Variants in DUS2 observed in about 807,000 individuals in gnomAD.
DUS2 encodes the protein dihydrouridine synthase 2, also known as tRNA-dihydrouridine(20) synthase [NAD(P)+]-like.
DUS2 carries 52 observed loss-of-function variants against 71.3 expected under a neutral mutation model. The observed-to-expected ratio is 0.73, with a 90% confidence interval of 0.58 to 0.92. The LOEUF (loss-of-function observed/expected upper bound fraction) is 0.92. DUS2 is among the 40% of genes least tolerant of loss of function. The pLI is 0.00. For synonymous variants in DUS2, 204 were observed against 227.8 expected, an observed-to-expected ratio of 0.90 and a Z score of 0.94; for missense variants, 558 against 622.6, an observed-to-expected ratio of 0.90 and a Z score of 1.10.
chr16:68,031,081 GC>G (rs1270774682), intron 2 of DUS2, among the ~76,000 whole-genome samples: 1 of 152,020 alleles, frequency 6.6e-6, no homozygotes, highest in Non-Finnish European at 1.5e-5. Context: ...CAGATAAAAT[GC>G]TCTGGAAAGA....
Position 68,070,231 on chromosome 16 carries a change from T to A in DUS2, c.641+11T>A. The A allele has an allele frequency of 6.2e-7, 1 of 1,612,422 alleles. No individual in the cohort carries two copies. The highest frequency in any genetic ancestry group is 8.5e-7 in the Non-Finnish European group (1 of 1,178,452). ...TCCTGTCATAGCCAAGTAAGCCTCC[T>A]GTCTTCATCATGTACTCTGTGTCCC... On this transcript the variant is annotated intron_variant, in intron 11 of 16. Transcript: ENST00000565263.
chr16:68,050,328 G>T (rs2080936852), intron 4 of DUS2, among the ~76,000 whole-genome samples: 1 of 152,064 alleles, frequency 6.6e-6, no homozygotes, highest in Admixed American at 6.6e-5. Context: ...AGTAGAGAAG[G>T]GGTTTCACCA....
At position 68,079,070 on chromosome 16, in the gene DUS2, A is replaced by AGGAGTGGAGTGATGGT; in HGVS notation, c.*84_*85insGGAGTGGAGTGATGGT. 1.6e-6 allele frequency: 2 copies of AGGAGTGGAGTGATGGT among 1,268,042 alleles called. No individual in the cohort carries two copies. Among genetic ancestry groups the AGGAGTGGAGTGATGGT allele is most frequent in the Non-Finnish European group, 1.1e-6 (1 of 924,194 alleles). 78.5% of individuals were successfully genotyped at this position (1,268,042 alleles called of 1,614,324 possible). ...CCACAGCATGAACCAGATGCCGTTG[A>AGGAGTGGAGTGATGGT]ACAGTTTGCTGGTCTTGCCTGGCAG... On this transcript the variant is annotated 3_prime_UTR_variant, in exon 17 of 17. Transcript: ENST00000565263.
At chr16:68,073,748 C>T (rs1054023010) in intron 12 of DUS2, among the ~76,000 whole-genome samples, 7 of 151,922 alleles carry the variant, frequency 4.6e-5, no homozygotes, top group Admixed American at 2.0e-4. Flanking sequence ...CGTGCCCAGC[C>T]GATAATTTTC....
At chr16:68,029,984 G>A (rs1392599001) in intron 2 of DUS2, among the ~76,000 whole-genome samples, 9 of 150,426 alleles carry the variant, frequency 6.0e-5, no homozygotes, top group South Asian at 2.2e-4. Context: ...GGCCTCAAAC[G>A]ATCCTCCCGC....
chr16:68,056,265 G>T, intron 6 of DUS2, 99 bp from the exon 7 acceptor site: 6 of 1,017,212 alleles, frequency 5.9e-6, no homozygotes, highest in East Asian at 2.4e-5. Flanking sequence ...TCAGGGACAG[G>T]GTAAGAGGTT....
intron 7 of DUS2, among the ~76,000 whole-genome samples, chr16:68,057,599 G>A (rs78357736): frequency 6.6e-6 from 1 of 151,792 alleles, no homozygotes; most frequent in East Asian, 1.9e-4. Context: ...AAAAAAAAAG[G>A]CCAGGCCTGG....
chr16:68,052,059 C>G (rs556536835), intron 4 of DUS2, among the ~76,000 whole-genome samples: 3 of 152,002 alleles, frequency 2.0e-5, no homozygotes, highest in Admixed American at 2.0e-4. Context: ...CCACCACACC[C>G]AGCTAATTTT....
intron 12 of DUS2, among the ~76,000 whole-genome samples, chr16:68,073,348 C>T (rs943949759): frequency 1.3e-5 from 2 of 152,150 alleles, no homozygotes; most frequent in Non-Finnish European, 2.9e-5. Context: ...TCATAGCTCA[C>T]TACAGCCACA....
chr16:68,076,329 T>C (rs888841216), intron 14 of DUS2, among the ~76,000 whole-genome samples: 3 of 152,118 alleles, frequency 2.0e-5, no homozygotes, highest in Non-Finnish European at 4.4e-5. Context: ...CAAGCTTCCT[T>C]CTTGGATGTT....
chr16:68,059,811 C>A lies in DUS2; in HGVS notation c.370-1255C>A, dbSNP rs1178229466. Among the ~76,000 whole-genome samples the A allele has an allele frequency of 3.3e-5, 5 of 152,284 alleles. No homozygotes were observed. The South Asian group carries it at 1.0e-3, about 32-fold the overall frequency. On this transcript the variant is annotated intron_variant, in intron 7 of 16. Transcript: ENST00000565263. ...GATTCAGATTTTTAAAGATCCCCCTCCTCCATTATTAAAGTAATTAATACC... is the reference window on the plus strand; with the variant it reads ...GATTCAGATTTTTAAAGATCCCCCTACTCCATTATTAAAGTAATTAATACC...
chr16:68,065,918 T>G (rs7201742), intron 8 of DUS2, among the ~76,000 whole-genome samples: 27,887 of 151,878 alleles, frequency 0.18, 2,932 homozygotes, highest in African/African-American at 0.28. Context: ...CCTAAGCCCT[T>G]CCCCTAGAGA....
chr16:68,064,343 G>A (rs2033978512), intron 8 of DUS2, among the ~76,000 whole-genome samples: 1 of 152,182 alleles, frequency 6.6e-6, no homozygotes, highest in South Asian at 2.1e-4. Flanking sequence ...CCCTCAGTGT[G>A]ACCCTTGCAA....
At chr16:68,045,159 G>A (rs1271184484) in intron 3 of DUS2, among the ~76,000 whole-genome samples, 4 of 152,158 alleles carry the variant, frequency 2.6e-5, no homozygotes, top group Non-Finnish European at 5.9e-5. Flanking sequence ...TTCATTACTA[G>A]TGTATAAAAT....
intron 12 of DUS2, among the ~76,000 whole-genome samples, chr16:68,071,866 T>C (rs1228034877): frequency 1.3e-5 from 2 of 152,198 alleles, no homozygotes; most frequent in Admixed American, 1.3e-4. Context: ...AATGGCCTTT[T>C]CTAAACCAGT....
chr16:68,057,021 A>T lies in DUS2; in HGVS notation c.369+597A>T, dbSNP rs375866572. Among the ~76,000 whole-genome samples the T allele has an allele frequency of 1.3e-3, 173 of 137,136 alleles. 4 individuals are homozygous for T. In the East Asian group the frequency reaches 0.024, roughly 19 times the overall value. The allele number at this position is 137,136 out of a possible 152,430, so 90.0% of individuals were successfully genotyped here. A position where few individuals can be genotyped will look rare whatever the true frequency, so the allele number is the denominator to read the frequency against. Reference sequence around the variant, plus strand: ...TAAATATATAATATATAATTATATAATACATATAAATATATGTAATATATA... The same window carrying T: ...TAAATATATAATATATAATTATATATTACATATAAATATATGTAATATATA... On this transcript the variant is annotated intron_variant, in intron 7 of 16. Transcript: ENST00000565263.
At position 68,078,974 on chromosome 16, in the gene DUS2, G is replaced by A; in HGVS notation, c.1470G>A (p.Leu490=). 6.4e-7 allele frequency: 1 copy of A among 1,571,602 alleles called. No homozygotes were observed. Residue 490 remains leucine, a synonymous_variant, in exon 17 of 17, where the codon CTG becomes CTA. Transcript: ENST00000565263. ...TGGGAAGTGGTGAAGAAAGCCCCCT[G>A]GAAGGCTGGTGACTACTCTTCCTGC... is the stretch of plus-strand genomic sequence containing the variant. ...VALGSGEESP[L]EGW
Position 68,023,285 on chromosome 16 carries a change from G to A in DUS2, c.-165G>A. On this transcript the variant is annotated 5_prime_UTR_variant, in exon 1 of 17. Coordinates refer to ENST00000565263, the MANE Select transcript of DUS2 (RefSeq NM_017803.5). The stretch of plus-strand genomic sequence containing the variant: ...CGCGTACGGTGGCTGGCGAGGCTCA[G>A]TACGGTGTGTGGAGCTGGAGCACCG... 3 of 1,468,368 alleles carry A rather than the reference G, an allele frequency of 2.0e-6. No individual in the cohort carries two copies. Among genetic ancestry groups the A allele is most frequent in the Non-Finnish European group, 2.8e-6 (3 of 1,089,088 alleles). The allele number at this position is 1,468,368 out of a possible 1,614,324, so 91.0% of individuals were successfully genotyped here.
At chr16:68,070,888 T>C (rs2034074427) in intron 11 of DUS2, 52 bp from the exon 12 acceptor site, 1 of 1,590,096 alleles carries the variant, frequency 6.3e-7, no homozygotes, top group African/African-American at 1.3e-5. Context: ...TTTCTGAAAA[T>C]GCTGATAGGT....
Sources: gnomAD v4.1 joint callset for allele counts (sites outside exome capture counted in the v4.1 genomes callset) on GRCh38, gnomAD v4.1.1 for gene constraint, MANE v1.5 for transcripts, NCBI Gene and HGNC (gene_info 2026-07-23, HGNC 2026-07-21) for gene names.